The following CSMD2 variants were observed in gnomAD, a reference collection of about 807,000 sequenced individuals.
CSMD2 encodes the protein CUB and sushi domain-containing protein 2.
Under a neutral mutation model 398.5 loss-of-function variants are expected in CSMD2, and 130 were observed. The observed-to-expected ratio is 0.33, with a 90% CI of 0.28 to 0.38. The LOEUF (loss-of-function observed/expected upper bound fraction) is 0.38. Among genes scored for constraint, CSMD2 ranks in the 10% least tolerant of loss-of-function variants. CSMD2 has a pLI of 1.00. For missense variants in CSMD2, 3,829 were observed against 4,764.9 expected (o/e 0.80, Z 5.78); for synonymous variants, 1,828 against 1,908.5 (o/e 0.96, Z 1.10).
chr1:33,833,196 C>CA (rs1462993396), intron 6 of CSMD2, among the ~76,000 whole-genome samples: 1 of 110,638 alleles, frequency 9.0e-6, no homozygotes, highest in Non-Finnish European at 1.8e-5. Context: ...GAGACACAAT[C>CA]AAAAAAGAGA....
intron 3 of CSMD2, among the ~76,000 whole-genome samples, chr1:33,947,791 C>T (rs1245664087): frequency 5.9e-5 from 9 of 152,352 alleles, no homozygotes; most frequent in East Asian, 1.9e-4. Flanking sequence ...TAAGCACCAT[C>T]GCTTACGGAC....
intron 2 of CSMD2, among the ~76,000 whole-genome samples, chr1:34,053,490 G>A (rs1653457082): frequency 6.6e-6 from 1 of 152,122 alleles, no homozygotes; most frequent in Non-Finnish European, 1.5e-5. Flanking sequence ...GGTGTGTGTA[G>A]TTTCAATACA....
At chr1:34,070,247 T>C (rs1655571005) in intron 2 of CSMD2, among the ~76,000 whole-genome samples, 1 of 152,246 alleles carries the variant, frequency 6.6e-6, no homozygotes, top group African/African-American at 2.4e-5. Context: ...CTTGCCTAAG[T>C]GCAGGCAAAT....
chr1:34,128,164 C>T (rs191731435), intron 1 of CSMD2, among the ~76,000 whole-genome samples: 193 of 152,248 alleles, frequency 1.3e-3, no homozygotes, highest in Admixed American at 2.6e-3. Context: ...ACTCTGAGCT[C>T]AATCTGGACC....
chr1:33,833,819 A>C (rs1659907797), intron 6 of CSMD2, among the ~76,000 whole-genome samples: 1 of 152,172 alleles, frequency 6.6e-6, no homozygotes, highest in Non-Finnish European at 1.5e-5. Context: ...ATACAAAATC[A>C]ATGTACAAAA....
chr1:33,891,793 G>T (rs1033401339), intron 5 of CSMD2, among the ~76,000 whole-genome samples: 1 of 149,552 alleles, frequency 6.7e-6, no homozygotes, highest in Non-Finnish European at 1.5e-5. Flanking sequence ...GTAAACTATC[G>T]CAAGGACAAA....
chr1:33,650,034 T>C (rs1643670015), intron 28 of CSMD2, among the ~76,000 whole-genome samples: 1 of 152,206 alleles, frequency 6.6e-6, no homozygotes, highest in African/African-American at 2.4e-5. Flanking sequence ...ATTCAGCTTC[T>C]TGACATCTGC....
intron 5 of CSMD2, among the ~76,000 whole-genome samples, chr1:33,850,166 C>T (rs563745378): frequency 6.6e-6 from 1 of 152,274 alleles, no homozygotes; most frequent in African/African-American, 2.4e-5. Flanking sequence ...GAACAAATGT[C>T]ACCTTCTCAG....
chr1:34,110,179 A>C (rs1217409574), intron 1 of CSMD2, among the ~76,000 whole-genome samples: 1 of 152,058 alleles, frequency 6.6e-6, no homozygotes, highest in Non-Finnish European at 1.5e-5. Flanking sequence ...GCTACTATTA[A>C]AAAGTAAAAA....
chr1:33,828,591 G>A (rs76451042), intron 6 of CSMD2, among the ~76,000 whole-genome samples: 1,924 of 152,300 alleles, frequency 0.013, 20 homozygotes, highest in Middle Eastern at 0.024. Context: ...GGGCAAAGCT[G>A]CTTGGATTTT....
intron 17 of CSMD2, among the ~76,000 whole-genome samples, chr1:33,724,939 G>A (rs940680233): frequency 2.0e-5 from 3 of 152,220 alleles, no homozygotes; most frequent in East Asian, 3.9e-4. Flanking sequence ...AGCTTTCTAT[G>A]TTGGTCTACA....
intron 5 of CSMD2, among the ~76,000 whole-genome samples, chr1:33,848,186 C>T (rs1363425100): frequency 1.3e-5 from 2 of 152,238 alleles, no homozygotes; most frequent in East Asian, 1.9e-4. Context: ...GGGAACCACC[C>T]GGGAGGGGCA....
At chr1:33,708,727 CA>C (rs1232399326) in intron 22 of CSMD2, among the ~76,000 whole-genome samples, 4 of 151,776 alleles carry the variant, frequency 2.6e-5, no homozygotes, top group African/African-American at 9.7e-5. Context: ...TCAGCCTACC[CA>C]GTAGCTGGGA....
chr1:33,685,854 C>A (rs1188753059), intron 25 of CSMD2, among the ~76,000 whole-genome samples: 1 of 152,204 alleles, frequency 6.6e-6, no homozygotes, highest in African/African-American at 2.4e-5. Context: ...GAACTCTTGG[C>A]AGACAAGGCC....
At chr1:33,542,059 A>T (rs191999835) in intron 58 of CSMD2, among the ~76,000 whole-genome samples, 1 of 152,150 alleles carries the variant, frequency 6.6e-6, no homozygotes, top group Non-Finnish European at 1.5e-5. Context: ...ACCAAAGTGA[A>T]CTTGACACGG....
chr1:34,131,540 C>A (rs188267435), intron 1 of CSMD2, among the ~76,000 whole-genome samples: 226 of 152,268 alleles, frequency 1.5e-3, no homozygotes, highest in African/African-American at 5.2e-3. Context: ...TCCCCAACTC[C>A]ACTCCAGGGA....
At chr1:33,653,311 C>T (rs191738709) in intron 27 of CSMD2, among the ~76,000 whole-genome samples, 16 of 152,300 alleles carry the variant, frequency 1.1e-4, no homozygotes, top group Admixed American at 4.6e-4. Context: ...TGCCTCACAT[C>T]GGCTTCCCGG....
chr1:34,142,381 A>T (rs1639382956), intron 1 of CSMD2, among the ~76,000 whole-genome samples: 1 of 152,168 alleles, frequency 6.6e-6, no homozygotes, highest in South Asian at 2.1e-4. Flanking sequence ...GTCTCCTTTC[A>T]GAAGCCACCT....
chr1:33,527,618 A>G (rs1044926805), intron 64 of CSMD2, among the ~76,000 whole-genome samples: 1 of 152,196 alleles, frequency 6.6e-6, no homozygotes, highest in Admixed American at 6.5e-5. Flanking sequence ...AGGAACATGA[A>G]CAATATTCAT....
Sources: gnomAD v4.1 joint callset for allele counts (sites outside exome capture counted in the v4.1 genomes callset) on GRCh38, gnomAD v4.1.1 for gene constraint, MANE v1.5 for transcripts, NCBI Gene and HGNC (gene_info 2026-07-23, HGNC 2026-07-21) for gene names.